The following FARP2 variants were observed in gnomAD, a reference collection of about 807,000 sequenced individuals.
FARP2 encodes the protein FERM, ARH/RhoGEF and pleckstrin domain protein 2.
Under a neutral mutation model 130.5 loss-of-function variants are expected in FARP2, and 111 were observed. The ratio of observed to expected loss-of-function variants is 0.85; its 90% CI spans 0.73 to 1.00. The LOEUF (loss-of-function observed/expected upper bound fraction) is 1.00. FARP2 is among the 50% of genes least tolerant of loss of function. The pLI, the probability that FARP2 is intolerant of heterozygous loss-of-function variation, is 0.00. For missense variants in FARP2, 1,385 were observed against 1,346.3 expected, an observed-to-expected ratio of 1.03 and a Z score of -0.45; for synonymous variants, 504 against 516.9, an observed-to-expected ratio of 0.98 and a Z score of 0.34.
chr2:241,397,453 G>T (rs1252004260), intron 2 of FARP2, among the ~76,000 whole-genome samples: 2 of 152,154 alleles, frequency 1.3e-5, no homozygotes, highest in East Asian at 3.8e-4. Context: ...TGCATACAGT[G>T]ATCTATGTTA....
chr2:241,454,708 T>C (rs879212088), intron 13 of FARP2, among the ~76,000 whole-genome samples: 2 of 152,246 alleles, frequency 1.3e-5, no homozygotes, highest in Admixed American at 1.3e-4. Flanking sequence ...TAAGGTTGCT[T>C]AGTGTACTTT....
intron 17 of FARP2, among the ~76,000 whole-genome samples, chr2:241,467,549 G>A (rs534665960): frequency 4.0e-4 from 60 of 151,876 alleles, no homozygotes; most frequent in Non-Finnish European, 8.1e-4. Context: ...GGCTAAGGTG[G>A]GAGGATCACT....
At chr2:241,454,661 T>C (rs2063783954) in intron 13 of FARP2, among the ~76,000 whole-genome samples, 2 of 152,206 alleles carry the variant, frequency 1.3e-5, no homozygotes, top group African/African-American at 4.8e-5. Flanking sequence ...TGGCCCAGTA[T>C]GTGAGGCAAG....
intron 22 of FARP2, 61 bp downstream of exon 22, chr2:241,490,105 G>C: frequency 2.5e-6 from 3 of 1,209,736 alleles, no homozygotes; most frequent in Non-Finnish European, 3.7e-6. Context: ...GGACTTCCTC[G>C]CCATGAGCCT....
intron 2 of FARP2, among the ~76,000 whole-genome samples, chr2:241,382,555 T>G (rs544222632): frequency 2.0e-5 from 3 of 152,324 alleles, no homozygotes; most frequent in South Asian, 4.2e-4. Context: ...AGTGCTAGGA[T>G]TACAGGTGTG....
At chr2:241,373,340 C>G (rs369411847) in intron 2 of FARP2, 50 bp downstream of exon 2, 23 of 1,238,304 alleles carry the variant, frequency 1.9e-5, no homozygotes, top group Non-Finnish European at 2.2e-5. Context: ...TTCTAACAGT[C>G]AAATTATGTA....
Position 241,494,249 on chromosome 2 carries a change from A to C in FARP2, c.*124A>C. ...GTCTCACTGGATCCCCACTGGCACCAGCAGTGTGGGTGGGCCTCATGTAAC... is the reference window on the plus strand; with the variant it reads ...GTCTCACTGGATCCCCACTGGCACCCGCAGTGTGGGTGGGCCTCATGTAAC... On this transcript the variant is annotated 3_prime_UTR_variant, in exon 27 of 27. Coordinates refer to ENST00000264042, the MANE Select transcript of FARP2 (RefSeq NM_014808.4). This position sits in a 1 kb window ranked among gnomAD's most constrained non-coding sequence, Gnocchi z 4.9. 1.9e-6 allele frequency: 1 copy of C among 515,444 alleles called. No individual in the cohort carries two copies. Among genetic ancestry groups the C allele is most frequent in the Non-Finnish European group, 3.3e-6 (1 of 304,516 alleles). 31.9% of individuals were successfully genotyped at this position (515,444 alleles called of 1,614,324 possible).
intron 1 of FARP2, among the ~76,000 whole-genome samples, chr2:241,363,667 C>T (rs533214470): frequency 2.0e-5 from 3 of 152,194 alleles, no homozygotes; most frequent in Non-Finnish European, 2.9e-5. Flanking sequence ...AAGTAGGGAC[C>T]GCAGGACATT....
chr2:241,392,201 G>A (rs766977038), intron 2 of FARP2, among the ~76,000 whole-genome samples: 3 of 152,206 alleles, frequency 2.0e-5, no homozygotes, highest in Non-Finnish European at 2.9e-5. Context: ...GGTGTGAGCC[G>A]CTGGCTCTCC....
chr2:241,388,199 T>G (rs2061833143), intron 2 of FARP2, among the ~76,000 whole-genome samples: 1 of 152,218 alleles, frequency 6.6e-6, no homozygotes, highest in African/African-American at 2.4e-5. Context: ...GCTTCAATAA[T>G]CAAGGCAATG....
chr2:241,434,373 AG>A, intron 10 of FARP2, 52 bp downstream of exon 10: 1 of 1,325,866 alleles, frequency 7.5e-7, no homozygotes, highest in South Asian at 1.5e-5. Flanking sequence ...TGTAAAGCTG[AG>A]AAAATAGGTA....
intron 22 of FARP2, among the ~76,000 whole-genome samples, chr2:241,490,291 G>A (rs898276923): frequency 7.9e-5 from 12 of 152,176 alleles, no homozygotes; most frequent in Non-Finnish European, 1.5e-4. Context: ...CTGTGGAGCC[G>A]CTCCCTCTGC....
At chr2:241,413,705 G>C (rs1005061614) in intron 7 of FARP2, among the ~76,000 whole-genome samples, 1 of 152,208 alleles carries the variant, frequency 6.6e-6, no homozygotes, top group Non-Finnish European at 1.5e-5. Flanking sequence ...CACCCTGGGA[G>C]GCTGAGGCAG....
chr2:241,454,752 A>G (rs1397759534), intron 13 of FARP2, among the ~76,000 whole-genome samples: 1 of 152,192 alleles, frequency 6.6e-6, no homozygotes, highest in African/African-American at 2.4e-5. Flanking sequence ...ATTCTAATAA[A>G]TTTGTTGTTA....
chr2:241,469,320 C>T (rs1041228867), intron 18 of FARP2, among the ~76,000 whole-genome samples: 1 of 152,022 alleles, frequency 6.6e-6, no homozygotes, highest in African/African-American at 2.4e-5. Context: ...CTCCTGACCT[C>T]GTGATCCGCC....
chr2:241,442,353 C>A lies in FARP2; in HGVS notation c.1411+797C>A, dbSNP rs552725406. ...AGCTCAGCTACCCACCCACGACGGC[C>A]GAGGACTCCAGCAGCACAGAGTCAG... On this transcript the variant is annotated intron_variant, in intron 13 of 26. Transcript: ENST00000264042. 43 of 456,676 alleles carry A rather than the reference C, an allele frequency of 9.4e-5. 1 individual carries two copies. Among genetic ancestry groups the A allele is most frequent in the South Asian group, 6.7e-4 (43 of 64,566 alleles). The allele number at this position is 456,676 out of a possible 1,614,324, so 28.3% of individuals were successfully genotyped here. A position where few individuals can be genotyped will look rare whatever the true frequency, so the allele number is the denominator to read the frequency against.
At chr2:241,483,742 C>T (rs1052470983) in intron 20 of FARP2, 5 of 955,848 alleles carry the variant, frequency 5.2e-6, no homozygotes, top group Non-Finnish European at 6.2e-6. Flanking sequence ...CCCACCCACC[C>T]CAGGGCCAGC....
At chr2:241,460,872 T>C (rs1246875620) in intron 14 of FARP2, among the ~76,000 whole-genome samples, 1 of 152,080 alleles carries the variant, frequency 6.6e-6, no homozygotes, top group East Asian at 1.9e-4. Context: ...TGCAGGACTC[T>C]GGCGGGGGAG....
chr2:241,492,707 A>C (rs530083537), intron 24 of FARP2: 13 of 520,832 alleles, frequency 2.5e-5, no homozygotes, highest in African/African-American at 2.3e-4. Context: ...GCACAGGGAA[A>C]GGGAACTCAC....
Sources: allele counts gnomAD v4.1 joint callset (sites outside exome capture counted in the v4.1 genomes callset), GRCh38; gene constraint gnomAD v4.1.1; non-coding constraint Gnocchi (gnomAD v3.1); transcripts MANE v1.5; gene names NCBI Gene and HGNC (gene_info 2026-07-23, HGNC 2026-07-21).